Variants in DDX20 observed in about 807,000 individuals in gnomAD.
The protein encoded by DDX20 is probable ATP-dependent RNA helicase DDX20.
Under a neutral mutation model 76.4 loss-of-function variants are expected in DDX20, and 61 were observed. That is an observed-to-expected ratio of 0.80 (90% CI 0.65 to 0.99). DDX20 has a LOEUF of 0.99. Among genes scored for constraint, DDX20 ranks in the 50% least tolerant of loss-of-function variants. DDX20 has a pLI of 0.00. For missense variants in DDX20, 976 were observed against 996.8 expected (o/e 0.98, Z 0.28); for synonymous variants, 357 against 357.4 (o/e 1.00, Z 0.01).
Position 111,765,924 on chromosome 1 carries a change from T to G in DDX20, c.1500T>G (p.Ser500=). Residue 500 remains serine (S), a synonymous_variant, in exon 11 of 11, where the codon TCT becomes TCG. Transcript: ENST00000369702. ...GDHMASSRNN[S]VSGLSVKSKN... ...ACATGGCTTCCTCTAGAAATAATTC[T>G]GTATCTGGACTATCAGTCAAATCAA... The G allele has an allele frequency of 1.9e-6, 3 of 1,613,864 alleles. No individual in the cohort carries two copies. The highest frequency in any genetic ancestry group is 2.5e-6 in the Non-Finnish European group (3 of 1,179,940).
At chr1:111,763,307 C>T (rs923416437) in intron 10 of DDX20, among the ~76,000 whole-genome samples, 2 of 152,318 alleles carry the variant, frequency 1.3e-5, no homozygotes, top group South Asian at 2.1e-4. Flanking sequence ...CGCAGTGGCT[C>T]ACGCCTGTAA....
chr1:111,766,972 A>G lies in DDX20; in HGVS notation c.*73A>G. ...TTTGGATATCCATCCTCCTCGACTT[A>G]TAGTACAGTGGTGTATAGTGGCATT... On this transcript the variant is annotated 3_prime_UTR_variant, in exon 11 of 11. Transcript: ENST00000369702. 1.6e-6 allele frequency: 2 copies of G among 1,228,056 alleles called. No individual in the cohort carries two copies. The highest frequency in any genetic ancestry group is 2.3e-6 in the Non-Finnish European group (2 of 865,822). The allele number at this position is 1,228,056 out of a possible 1,614,324, so 76.1% of individuals were successfully genotyped here. A position where few individuals can be genotyped will look rare whatever the true frequency, so the allele number is the denominator to read the frequency against.
In DDX20 at chr1:111,765,839, T is replaced by TA; in HGVS notation, c.1421dup (p.Gln475AlafsTer17). On this transcript the variant is annotated frameshift_variant, in exon 11 of 11. Transcript: ENST00000369702. LOFTEE classifies it high-confidence loss of function. Reference sequence around the variant, plus strand: ...ATAGCAAGTGTACCTAACCAACCCTTAAAAAAGCAAATTCAGAAAATAGAG... The same window carrying TA: ...ATAGCAAGTGTACCTAACCAACCCTTAAAAAAAGCAAATTCAGAAAATAGAG... 1 of 1,614,120 alleles carries TA rather than the reference T, an allele frequency of 6.2e-7. No individual in the cohort carries two copies. The highest frequency in any genetic ancestry group is 8.5e-7 in the Non-Finnish European group (1 of 1,179,998).
chr1:111,760,427 A>C (rs770076916), intron 3 of DDX20, 47 bp from the exon 4 acceptor site: 2 of 1,293,652 alleles, frequency 1.5e-6, no homozygotes, highest in South Asian at 2.6e-5. Context: ...TGAGATTTAC[A>C]CAAATTTGGT....
chr1:111,766,496 A>T lies in DDX20; in HGVS notation c.2072A>T (p.Asp691Val), dbSNP rs770811625. 1 of 1,614,202 alleles carries T rather than the reference A, an allele frequency of 6.2e-7. No homozygotes were observed. The highest frequency in any genetic ancestry group is 1.1e-5 in the South Asian group (1 of 91,086). Residue 691 changes from aspartate (D) to valine (V), a missense_variant, in exon 11 of 11, where the codon GAT becomes GTT. This residue lies in a region of DDX20 where 630 missense variants were observed against 693.7 expected (regional missense o/e 0.91). Transcript: ENST00000369702. ...AAAGACTCTGAATCTACGCCTGTGG[A>T]TGATCGTATTTCTTTGGAACAACCA... ...QLKDSESTPV[D>V]DRISLEQPPN...
At chr1:111,765,551 A>AG (rs1269272537) in intron 10 of DDX20, among the ~76,000 whole-genome samples, 186 bp from the exon 11 acceptor site, 2 of 152,188 alleles carry the variant, frequency 1.3e-5, no homozygotes, top group African/African-American at 4.8e-5. Flanking sequence ...CATATTTCTT[A>AG]GGCAGGTTTC....
chr1:111,765,776 G>A lies in DDX20; in HGVS notation c.1352G>A (p.Trp451Ter). Residue 451 changes from tryptophan to a stop codon, truncating the protein, a stop_gained, in exon 11 of 11, where the codon TGG becomes TAG. Coordinates refer to ENST00000369702, the MANE Select transcript of DDX20 (RefSeq NM_007204.5). LOFTEE classifies it high-confidence loss of function. ...GGTCTGATGGAAGAATGTGTGGATTGGGATGTGGAAGTTAAAGCTGCTGTG... is the reference window on the plus strand; with the variant it reads ...GGTCTGATGGAAGAATGTGTGGATTAGGATGTGGAAGTTAAAGCTGCTGTG... ...PSGLMEECVD[W>*]DVEVKAAVHT... 1 of 1,608,736 alleles carries A rather than the reference G, an allele frequency of 6.2e-7. No homozygotes were observed. Among genetic ancestry groups the A allele is most frequent in the Non-Finnish European group, 8.5e-7 (1 of 1,178,430 alleles).
At position 111,761,101 on chromosome 1, in the gene DDX20, T is replaced by A; in HGVS notation, c.938T>A (p.Leu313Ter). Reference protein sequence around the residue: ...LFSRIPFNQALVFSNLHSRAQ... With the variant: ...LFSRIPFNQA ...AGCAGAATTCCATTTAATCAAGCTT[T>A]AGTCTTTTCTAATTTGCACAGCAGG... Residue 313 changes from leucine to a stop codon, truncating the protein, a stop_gained, in exon 6 of 11, where the codon TTA (leucine) becomes TAA (stop). Coordinates refer to ENST00000369702, the MANE Select transcript of DDX20 (RefSeq NM_007204.5). LOFTEE classifies it high-confidence loss of function. The A allele has an allele frequency of 6.2e-7, 1 of 1,613,512 alleles. No individual in the cohort carries two copies. The highest frequency in any genetic ancestry group is 8.5e-7 in the Non-Finnish European group (1 of 1,179,804).
chr1:111,760,881 G>A, intron 5 of DDX20, 33 bp downstream of exon 5: 1 of 1,596,470 alleles, frequency 6.3e-7, no homozygotes, highest in Non-Finnish European at 8.5e-7. Context: ...TATATTATTG[G>A]TTTATTTGTG....
In DDX20 at chr1:111,760,497, C is replaced by G; in HGVS notation, c.589C>G (p.Leu197Val). Residue 197 changes from leucine (L) to valine (V), a missense_variant, in exon 4 of 11, where the codon CTT becomes GTT. This residue lies in a region of DDX20 where 343 missense variants were observed against 286.4 expected (regional missense o/e 1.20). Transcript: ENST00000369702. ...AGGCAGAATTAAGCAACTCATAGAA[C>G]TTGACTACTTGAACCCAGGCAGTAT... ...SPGRIKQLIE[L>V]DYLNPGSIRL... The G allele has an allele frequency of 6.2e-7, 1 of 1,601,416 alleles. No individual in the cohort carries two copies. The highest frequency in any genetic ancestry group is 8.5e-7 in the Non-Finnish European group (1 of 1,176,528).
chr1:111,759,637 G>A, intron 3 of DDX20, 69 bp downstream of exon 3: 1 of 1,400,732 alleles, frequency 7.1e-7, no homozygotes, highest in Admixed American at 2.2e-5. Flanking sequence ...TAACAATAAA[G>A]ATATATGGGA....
At chr1:111,757,911 G>C (rs1156315618) in intron 2 of DDX20, among the ~76,000 whole-genome samples, 2 of 150,344 alleles carry the variant, frequency 1.3e-5, no homozygotes, top group Non-Finnish European at 3.0e-5. Flanking sequence ...GCTGGAGTCA[G>C]TGGCACAATC....
Position 111,766,460 on chromosome 1 carries a change from A to G in DDX20, c.2036A>G (p.Asp679Gly). ...AAGTCATACTTGGAAGGCTCTTCTG[A>G]TAATCAGCTGAAAGACTCTGAATCT... is the stretch of plus-strand genomic sequence containing the variant. ...GNKSYLEGSSDNQLKDSESTP... is the reference protein window; with the variant it reads ...GNKSYLEGSSGNQLKDSESTP... The change falls in exon 11 of 11, where the codon GAT becomes GGT. Residue 679 changes from aspartate to glycine, a missense_variant. Physicochemically the swap from Asp to Gly is moderately conservative, Grantham distance 94. Around this residue, in one of 3 missense-constraint regions of DDX20, gnomAD observed 630 missense variants for 693.7 expected, o/e 0.91. Coordinates refer to ENST00000369702, the MANE Select transcript of DDX20 (RefSeq NM_007204.5). The G allele has an allele frequency of 6.2e-7, 1 of 1,614,170 alleles. No individual in the cohort carries two copies. Among genetic ancestry groups the G allele is most frequent in the Non-Finnish European group, 8.5e-7 (1 of 1,180,032 alleles).
chr1:111,759,681 A>G (rs936366711), intron 3 of DDX20, 113 bp downstream of exon 3: 21 of 1,222,510 alleles, frequency 1.7e-5, no homozygotes, highest in Middle Eastern at 4.1e-4. Context: ...TTTTGATTAG[A>G]AATGAAGAGC....
intron 1 of DDX20, 119 bp downstream of exon 1, chr1:111,756,344 G>A: frequency 1.9e-6 from 2 of 1,039,846 alleles, no homozygotes; most frequent in Non-Finnish European, 1.3e-6. Flanking sequence ...CCCCGGAGCA[G>A]GGCCCTGCCG....
intron 7 of DDX20, 119 bp from the exon 8 acceptor site, chr1:111,762,136 C>A: frequency 1.5e-6 from 1 of 674,306 alleles, no homozygotes; most frequent in Non-Finnish European, 2.5e-6. Flanking sequence ...ACAGAATTAA[C>A]TGTGGTTGGT....
At position 111,756,069 on chromosome 1, in the gene DDX20, C is replaced by A; in HGVS notation, c.145C>A (p.Pro49Thr). Reference sequence around the variant, plus strand: ...GCGGACCGCTCAGGATCTCAGCAGCCCGCGGACCCGCACGGGGGATGTGCT... The same window carrying A: ...GCGGACCGCTCAGGATCTCAGCAGCACGCGGACCCGCACGGGGGATGTGCT... ...ILRTAQDLSS[P>T]RTRTGDVLLA... The change falls in exon 1 of 11, where the codon CCG (proline) becomes ACG (threonine). Residue 49 changes from proline to threonine, a missense_variant. Pro to Thr is a conservative substitution (Grantham distance 38, BLOSUM62 -1). This residue lies in a region of DDX20 where 343 missense variants were observed against 286.4 expected (regional missense o/e 1.20). Transcript: ENST00000369702. 2 of 1,607,458 alleles carry A rather than the reference C, an allele frequency of 1.2e-6. No individual in the cohort carries two copies. The highest frequency in any genetic ancestry group is 1.7e-6 in the Non-Finnish European group (2 of 1,179,308).
rs1557924361 is a variant in DDX20, at chr1:111,766,502, G to GT, written c.2079dup (p.Ile694TyrfsTer11). The GT allele has an allele frequency of 1.2e-6, 2 of 1,614,102 alleles. No individual in the cohort carries two copies. The highest frequency in any genetic ancestry group is 1.7e-6 in the Non-Finnish European group (2 of 1,180,010). ...TCTGAATCTACGCCTGTGGATGATC[G>GT]TATTTCTTTGGAACAACCACCAAAT... On this transcript the variant is annotated frameshift_variant, in exon 11 of 11. Coordinates refer to ENST00000369702, the MANE Select transcript of DDX20 (RefSeq NM_007204.5). LOFTEE classifies it high-confidence loss of function.
In DDX20 at chr1:111,766,834, A is replaced by G. The variant is rs1345398828; in HGVS notation, c.2410A>G (p.Ser804Gly). Residue 804 changes from serine to glycine, a missense_variant, in exon 11 of 11, where the codon AGT becomes GGT. This residue lies in a region of DDX20 where 630 missense variants were observed against 693.7 expected (regional missense o/e 0.91). Coordinates refer to ENST00000369702, the MANE Select transcript of DDX20 (RefSeq NM_007204.5). ...TTATTGGAATGCTCAGAGACATCCA[A>G]GTTGGATGGCAGCTTATCACATGAA... Reference protein sequence around the residue: ...SYYWNAQRHPSWMAAYHMNTI... With the variant: ...SYYWNAQRHPGWMAAYHMNTI... The G allele has an allele frequency of 1.9e-6, 3 of 1,614,108 alleles. No homozygotes were observed. The highest frequency in any genetic ancestry group is 2.5e-6 in the Non-Finnish European group (3 of 1,179,966).
Sources: allele counts gnomAD v4.1 joint callset (sites outside exome capture counted in the v4.1 genomes callset), GRCh38; gene constraint gnomAD v4.1.1; regional missense constraint gnomAD v4.1.1; transcripts MANE v1.5; gene names NCBI Gene and HGNC (gene_info 2026-07-23, HGNC 2026-07-21).